KHDRBS2: variants seen among roughly 807,000 people sequenced by gnomAD.
KHDRBS2 encodes KH RNA binding domain containing, signal transduction associated 2, also known as KH domain-containing, RNA-binding, signal transduction-associated protein 2.
A neutral mutation model predicts 44.3 loss-of-function variants in KHDRBS2; 26 were observed. The observed-to-expected ratio is 0.59, with a 90% CI of 0.43 to 0.81. KHDRBS2 has a LOEUF of 0.81. KHDRBS2 is among the 40% of genes least tolerant of loss of function. KHDRBS2 has a pLI of 0.00. For synonymous variants in KHDRBS2, 194 were observed against 151.1 expected (o/e 1.28, Z -2.08); for missense variants, 476 against 433.1 (o/e 1.10, Z -0.88).
chr6:61,740,459 G>A (rs1440364805), intron 6 of KHDRBS2, among the ~76,000 whole-genome samples: 4 of 151,798 alleles, frequency 2.6e-5, no homozygotes, highest in Non-Finnish European at 4.4e-5. Context: ...AGCCATTGAA[G>A]GGTTCCAGGT....
At chr6:62,228,133 G>T (rs1252642305) in intron 1 of KHDRBS2, among the ~76,000 whole-genome samples, 3 of 152,122 alleles carry the variant, frequency 2.0e-5, no homozygotes, top group Non-Finnish European at 4.4e-5. Flanking sequence ...GTAGAATTCA[G>T]CTGTGTATCC....
intron 7 of KHDRBS2, among the ~76,000 whole-genome samples, chr6:61,727,742 C>T (rs1773807335): frequency 6.6e-6 from 1 of 152,058 alleles, no homozygotes; most frequent in Admixed American, 6.6e-5. Context: ...CATCTCACAC[C>T]AGTCAAAATT....
At chr6:61,925,461 A>C (rs1808777295) in intron 4 of KHDRBS2, among the ~76,000 whole-genome samples, 1 of 152,140 alleles carries the variant, frequency 6.6e-6, no homozygotes, top group South Asian at 2.1e-4. Context: ...CACACCTCTA[A>C]TTCCAGCACT....
intron 1 of KHDRBS2, among the ~76,000 whole-genome samples, chr6:62,217,486 G>A (rs1234082158): frequency 6.6e-6 from 1 of 151,822 alleles, no homozygotes; most frequent in East Asian, 1.9e-4. Context: ...TAATTGAAGA[G>A]TTGCTTTTCA....
At chr6:62,254,178 T>C (rs1373396503) in intron 1 of KHDRBS2, among the ~76,000 whole-genome samples, 1 of 152,108 alleles carries the variant, frequency 6.6e-6, no homozygotes, top group African/African-American at 2.4e-5. Flanking sequence ...GCATTTTATA[T>C]GTCTATCACC....
chr6:61,634,281 T>C, the KHDRBS2 span, among the ~76,000 whole-genome samples: 1 of 143,540 alleles, frequency 7.0e-6, no homozygotes, highest in Admixed American at 6.9e-5. Context: ...AAAAAAAAAG[T>C]TGGAAATGGC....
chr6:62,068,914 T>C (rs912040345), intron 2 of KHDRBS2, among the ~76,000 whole-genome samples: 1 of 151,738 alleles, frequency 6.6e-6, no homozygotes, highest in Non-Finnish European at 1.5e-5. Context: ...TAGTATATTT[T>C]GAAATTAACT....
At chr6:62,136,993 CTTTTTTT>C (rs141092447) in intron 2 of KHDRBS2, among the ~76,000 whole-genome samples, 4 of 78,312 alleles carry the variant, frequency 5.1e-5, no homozygotes, top group South Asian at 4.8e-4. Context: ...TCTTTCTTTT[CTTTTTTT>C]TTTTTTTTTT....
At chr6:62,144,925 C>T (rs1357775333) in intron 2 of KHDRBS2, among the ~76,000 whole-genome samples, 1 of 151,842 alleles carries the variant, frequency 6.6e-6, no homozygotes, top group African/African-American at 2.4e-5. Context: ...GTCCTTAGTG[C>T]ATTAGGGAGC....
chr6:61,770,029 A>C (rs1395489029), intron 6 of KHDRBS2, among the ~76,000 whole-genome samples: 2 of 152,168 alleles, frequency 1.3e-5, no homozygotes, highest in Non-Finnish European at 2.9e-5. Context: ...GCGGTTCACC[A>C]ATATCAGCTG....
At chr6:61,551,026 G>T in the KHDRBS2 span, among the ~76,000 whole-genome samples, 3 of 152,112 alleles carry the variant, frequency 2.0e-5, no homozygotes, top group South Asian at 6.2e-4. Context: ...TGCCTATTGC[G>T]GCTCCCCAGG....
At chr6:61,635,552 T>C in the KHDRBS2 span, among the ~76,000 whole-genome samples, 1 of 151,990 alleles carries the variant, frequency 6.6e-6, no homozygotes, top group Admixed American at 6.6e-5. Flanking sequence ...CACCTGAAAT[T>C]GAATTTTGTC....
chr6:62,008,226 G>A (rs1198772870), intron 3 of KHDRBS2, among the ~76,000 whole-genome samples: 2 of 152,046 alleles, frequency 1.3e-5, no homozygotes, highest in Non-Finnish European at 2.9e-5. Flanking sequence ...CCTCAGTACG[G>A]TATTTTTAAA....
intron 2 of KHDRBS2, among the ~76,000 whole-genome samples, chr6:62,122,556 A>G (rs956583174): frequency 1.8e-4 from 27 of 152,258 alleles, no homozygotes; most frequent in African/African-American, 6.3e-4. Flanking sequence ...TCAAATGCCC[A>G]TGGTCCCCAC....
At chr6:61,916,965 A>ATT (rs10700035) in intron 4 of KHDRBS2, among the ~76,000 whole-genome samples, 2,692 of 90,502 alleles carry the variant, frequency 0.03, 134 homozygotes, top group African/African-American at 0.059. Flanking sequence ...GGAACTCTGT[A>ATT]TTTTTTTTTT....
the KHDRBS2 span, among the ~76,000 whole-genome samples, chr6:61,604,001 ACTTATCATTGAGGCTACCGCTCTGCCCC>A: frequency 6.6e-6 from 1 of 152,046 alleles, no homozygotes; most frequent in Non-Finnish European, 1.5e-5. Flanking sequence ...TATCTTCCAC[ACTTATCATTGAGGCTACCGCTCTGCCCC>A]CTCCACTACC....
At chr6:62,021,247 G>C (rs182428315) in intron 3 of KHDRBS2, among the ~76,000 whole-genome samples, 1 of 151,818 alleles carries the variant, frequency 6.6e-6, no homozygotes, top group Admixed American at 6.6e-5. Flanking sequence ...AAAGACATTG[G>C]GGTCTAAAAG....
intron 4 of KHDRBS2, among the ~76,000 whole-genome samples, chr6:61,975,680 C>CACACACAG (rs148696826): frequency 0.19 from 27,924 of 149,482 alleles, 3,004 homozygotes; most frequent in African/African-American, 0.26. Flanking sequence ...CACACACACA[C>CACACACAG]AGAGAGATAT....
intron 2 of KHDRBS2, among the ~76,000 whole-genome samples, chr6:62,119,239 T>G (rs1306128136): frequency 6.6e-6 from 1 of 152,192 alleles, no homozygotes; most frequent in East Asian, 1.9e-4. Context: ...GCACTTGATA[T>G]TCCTCATTCA....
Sources: gnomAD v4.1 joint callset for allele counts (sites outside exome capture counted in the v4.1 genomes callset) on GRCh38, gnomAD v4.1.1 for gene constraint, MANE v1.5 for transcripts, NCBI Gene and HGNC (gene_info 2026-07-23, HGNC 2026-07-21) for gene names.